The following FBXO40 variants were observed in gnomAD, a reference collection of about 807,000 sequenced individuals.
FBXO40 encodes F-box only protein 40.
FBXO40 carries 50 observed loss-of-function variants against 49.9 expected under a neutral mutation model. The observed-to-expected ratio is 1.00, with a 90% confidence interval of 0.80 to 1.27. The LOEUF (loss-of-function observed/expected upper bound fraction) is 1.27. Ranked by LOEUF, FBXO40 falls within the 50% of genes most tolerant of loss-of-function variation. The pLI is 0.00. For missense variants in FBXO40, 895 were observed against 870.1 expected (o/e 1.03, Z -0.36); for synonymous variants, 340 against 320.2 (o/e 1.06, Z -0.66).
At chr3:121,618,737 G>T (rs897618349) in intron 1 of FBXO40, among the ~76,000 whole-genome samples, 6 of 151,810 alleles carry the variant, frequency 4.0e-5, no homozygotes, top group Non-Finnish European at 8.8e-5. Context: ...CTGTGTGTGT[G>T]TGTGTATGTG....
chr3:121,619,676 G>A (rs2049018656), intron 1 of FBXO40, among the ~76,000 whole-genome samples: 1 of 152,150 alleles, frequency 6.6e-6, no homozygotes, highest in Non-Finnish European at 1.5e-5. Flanking sequence ...ACTCCTTACA[G>A]CAGCATTATG....
chr3:121,625,605 C>T (rs559122766), intron 3 of FBXO40, among the ~76,000 whole-genome samples: 19 of 152,228 alleles, frequency 1.2e-4, no homozygotes, highest in Admixed American at 1.1e-3. Flanking sequence ...TGTTTAAAAA[C>T]GCCTAAAATC....
intron 1 of FBXO40, among the ~76,000 whole-genome samples, chr3:121,613,529 A>G (rs2048978982): frequency 6.6e-6 from 1 of 152,182 alleles, no homozygotes; most frequent in Admixed American, 6.5e-5. Context: ...CAGCCAATAA[A>G]AGATGATCTT....
At position 121,630,099 on chromosome 3, in the gene FBXO40, A is replaced by G. The variant is rs1399746843; in HGVS notation, c.*3189A>G. ...CTGGAAAAGAAGTTTCTATCTCACA[A>G]CAAAGGAAAAAGTGAAAAGCAAGGT... On this transcript the variant is annotated 3_prime_UTR_variant, in exon 4 of 4. Transcript: ENST00000338040. 1.3e-5 allele frequency: 2 copies of G among 152,264 alleles called. No homozygotes were observed. Among genetic ancestry groups the G allele is most frequent in the African/African-American group, 4.8e-5 (2 of 41,466 alleles). 9.4% of individuals were successfully genotyped at this position (152,264 alleles called of 1,614,324 possible). A position where few individuals can be genotyped will look rare whatever the true frequency, so the allele number is the denominator to read the frequency against.
rs2049036800 is a variant in FBXO40 at position 121,622,366 on chromosome 3, C to T, written c.937C>T (p.His313Tyr). The change falls in exon 3 of 4, where the codon CAC (histidine) becomes TAC (tyrosine). Residue 313 changes from histidine (H) to tyrosine (Y), a missense_variant. Physicochemically the swap from His to Tyr is moderately conservative, Grantham distance 83. Coordinates refer to ENST00000338040, the MANE Select transcript of FBXO40 (RefSeq NM_016298.4). ...DAKDYNMYLV[H>Y]NGRMLIHFGQ... ...AAAGGACTATAACATGTATCTAGTGCACAATGGGCGGATGCTGATACACTT... is the reference window on the plus strand; with the variant it reads ...AAAGGACTATAACATGTATCTAGTGTACAATGGGCGGATGCTGATACACTT... 1 of 1,613,978 alleles carries T rather than the reference C, an allele frequency of 6.2e-7. No homozygotes were observed. Among genetic ancestry groups the T allele is most frequent in the Non-Finnish European group, 8.5e-7 (1 of 1,179,962 alleles).
At chr3:121,623,446 CA>C in intron 3 of FBXO40, 103 bp downstream of exon 3, 1 of 930,136 alleles carries the variant, frequency 1.1e-6, no homozygotes. Flanking sequence ...TGCAGTGGTG[CA>C]ATCACAGCCT....
At position 121,622,178 on chromosome 3, in the gene FBXO40, A is replaced by C; in HGVS notation, c.749A>C (p.Gln250Pro). The change falls in exon 3 of 4, where the codon CAG (glutamine) becomes CCG (proline). Residue 250 changes from glutamine (Q) to proline (P), a missense_variant. Coordinates refer to ENST00000338040, the MANE Select transcript of FBXO40 (RefSeq NM_016298.4). ...SKNKNDSEKEQISSGHNMVEG... is the reference protein window; with the variant it reads ...SKNKNDSEKEPISSGHNMVEG... ...AACAAGAATGACTCCGAGAAAGAAC[A>C]GATTTCCAGTGGCCATAACATGGTA... is the stretch of plus-strand genomic sequence containing the variant. 6.2e-7 allele frequency: 1 copy of C among 1,614,120 alleles called. No individual in the cohort carries two copies.
At chr3:121,618,743 ATG>A (rs1306871975) in intron 1 of FBXO40, among the ~76,000 whole-genome samples, 1 of 150,638 alleles carries the variant, frequency 6.6e-6, no homozygotes, top group African/African-American at 2.4e-5. Flanking sequence ...GTGTGTGTGT[ATG>A]TGTGTGTGTG....
chr3:121,617,971 G>A (rs2049007310), intron 1 of FBXO40, among the ~76,000 whole-genome samples: 1 of 152,016 alleles, frequency 6.6e-6, no homozygotes. Flanking sequence ...TGCACTCCAG[G>A]CTGGGCAACA....
chr3:121,617,436 A>T (rs1310689689), intron 1 of FBXO40, among the ~76,000 whole-genome samples: 1 of 151,942 alleles, frequency 6.6e-6, no homozygotes, highest in African/African-American at 2.4e-5. Context: ...TCTACTAAAA[A>T]TACAAAAAAT....
intron 1 of FBXO40, among the ~76,000 whole-genome samples, chr3:121,610,574 C>T (rs905025457): frequency 7.2e-5 from 11 of 152,160 alleles, no homozygotes; most frequent in Admixed American, 6.5e-4. Context: ...TATCACAAAT[C>T]TTCTCATTGC....
chr3:121,596,318 AG>A (rs2048871633), intron 1 of FBXO40, among the ~76,000 whole-genome samples: 1 of 152,322 alleles, frequency 6.6e-6, no homozygotes, highest in South Asian at 2.1e-4. Flanking sequence ...ATAGAAAAAA[AG>A]CACGTGACTA....
At position 121,622,148 on chromosome 3, in the gene FBXO40, G is replaced by C; in HGVS notation, c.719G>C (p.Ser240Thr). Residue 240 changes from serine (S) to threonine (T), a missense_variant, in exon 3 of 4, where the codon AGC (serine) becomes ACC (threonine). Coordinates refer to ENST00000338040, the MANE Select transcript of FBXO40 (RefSeq NM_016298.4). Reference sequence around the variant, plus strand: ...ACAAATTCATCAGCGAGCTGTGAGAGCAAGAACAAGAATGACTCCGAGAAA... The same window carrying C: ...ACAAATTCATCAGCGAGCTGTGAGACCAAGAACAAGAATGACTCCGAGAAA... ...ALTNSSASCE[S>T]KNKNDSEKEQ... 6.2e-7 allele frequency: 1 copy of C among 1,614,156 alleles called. No individual in the cohort carries two copies. Among genetic ancestry groups the C allele is most frequent in the Non-Finnish European group, 8.5e-7 (1 of 1,180,030 alleles).
intron 3 of FBXO40, among the ~76,000 whole-genome samples, chr3:121,624,722 G>T (rs758613237): frequency 2.0e-5 from 3 of 152,106 alleles, no homozygotes; most frequent in Admixed American, 6.5e-5. Context: ...TTATCAGGCG[G>T]CTCTCTACAC....
In FBXO40 at chr3:121,622,566, T is replaced by G. The variant is rs970825253; in HGVS notation, c.1137T>G (p.Asp379Glu). The G allele has an allele frequency of 3.7e-6, 6 of 1,614,082 alleles. No homozygotes were observed. Among genetic ancestry groups the G allele is most frequent in the Non-Finnish European group, 5.1e-6 (6 of 1,180,050 alleles). The change falls in exon 3 of 4, where the codon GAT becomes GAG. Residue 379 changes from aspartate (D) to glutamate (E), a missense_variant. Coordinates refer to ENST00000338040, the MANE Select transcript of FBXO40 (RefSeq NM_016298.4). ...AGCCAAGTGAACACAAGGCAGTGGA[T>G]ACTTCAGATTTGGGGATCACTGTGG... The part of the protein sequence containing the change: ...SCKPSEHKAV[D>E]TSDLGITVED...
chr3:121,615,917 A>C (rs1390009225), intron 1 of FBXO40, among the ~76,000 whole-genome samples: 2 of 152,076 alleles, frequency 1.3e-5, no homozygotes, highest in Non-Finnish European at 2.9e-5. Flanking sequence ...AGATGGAGTC[A>C]CTCTGGTCAT....
chr3:121,620,488 A>G, intron 1 of FBXO40, 58 bp from the exon 2 acceptor site: 2 of 1,492,096 alleles, frequency 1.3e-6, no homozygotes, highest in South Asian at 1.1e-5. Flanking sequence ...AGCCTCTATT[A>G]ATATAGGTAA....
At chr3:121,626,005 C>T (rs1175682070) in intron 3 of FBXO40, among the ~76,000 whole-genome samples, 1 of 152,206 alleles carries the variant, frequency 6.6e-6, no homozygotes, top group Non-Finnish European at 1.5e-5. Flanking sequence ...CTATGGGGTT[C>T]CCACTCTAGT....
chr3:121,597,186 T>C, intron 1 of FBXO40, among the ~76,000 whole-genome samples: 2 of 152,306 alleles, frequency 1.3e-5, no homozygotes, highest in South Asian at 4.1e-4. Flanking sequence ...GACCACACTT[T>C]CCTTTTTTCT....
Sources: gnomAD v4.1 joint callset for allele counts (sites outside exome capture counted in the v4.1 genomes callset) on GRCh38, gnomAD v4.1.1 for gene constraint, MANE v1.5 for transcripts, NCBI Gene and HGNC (gene_info 2026-07-23, HGNC 2026-07-21) for gene names.